ANK1: variants seen among roughly 807,000 people sequenced by gnomAD.
The protein encoded by ANK1 is ankyrin 1.
In ANK1, 51 loss-of-function variants were observed where a neutral mutation model predicts 210.4. That is an observed-to-expected ratio of 0.24 (90% confidence interval 0.19 to 0.31). ANK1 has a LOEUF of 0.31. ANK1 is among the 10% of genes least tolerant of loss of function. The pLI is 1.00. For missense variants in ANK1, 2,051 were observed against 2,504.4 expected, an observed-to-expected ratio of 0.82 and a Z score of 3.86; for synonymous variants, 967 against 1,025.9, an observed-to-expected ratio of 0.94 and a Z score of 1.10.
At chr8:41,734,109 A>T (rs1403331450) in intron 2 of ANK1, 40 bp from the exon 3 acceptor site, 8 of 1,564,712 alleles carry the variant, frequency 5.1e-6, no homozygotes, top group Non-Finnish European at 7.0e-6. Flanking sequence ...TGGTTAGTCA[A>T]ATGGTGCTTT....
At chr8:41,741,546 C>T (rs886930919) in intron 2 of ANK1, among the ~76,000 whole-genome samples, 1 of 150,534 alleles carries the variant, frequency 6.6e-6, no homozygotes, top group South Asian at 2.1e-4. Context: ...CACCACTGTC[C>T]TTGAGCCTGA....
chr8:41,806,844 T>G (rs1851037847), intron 1 of ANK1, among the ~76,000 whole-genome samples: 1 of 152,234 alleles, frequency 6.6e-6, no homozygotes, highest in African/African-American at 2.4e-5. Flanking sequence ...TGTCTTGTCC[T>G]CAGAAATCCC....
intron 23 of ANK1, among the ~76,000 whole-genome samples, chr8:41,698,529 A>G (rs1821753471): frequency 6.6e-6 from 1 of 152,192 alleles, no homozygotes; most frequent in Non-Finnish European, 1.5e-5. Context: ...CTGCTTGTTC[A>G]TGGGACACTT....
At chr8:41,687,689 T>C (rs1266647471) in intron 35 of ANK1, among the ~76,000 whole-genome samples, 1 of 152,222 alleles carries the variant, frequency 6.6e-6, no homozygotes, top group Admixed American at 6.5e-5. Context: ...GCCACTCACA[T>C]TGGGCAATGG....
chr8:41,684,628 C>G lies in ANK1; in HGVS notation c.4453G>C (p.Gly1485Arg). 1.9e-6 allele frequency: 3 copies of G among 1,613,896 alleles called. No homozygotes were observed. Among genetic ancestry groups the G allele is most frequent in the Non-Finnish European group, 1.7e-6 (2 of 1,180,002 alleles). The change falls in exon 37 of 43, where the codon GGT (glycine) becomes CGT (arginine). Residue 1485 changes from glycine to arginine, a missense_variant. Coordinates refer to ENST00000289734, the MANE Select transcript of ANK1 (RefSeq NM_000037.4). ...DRGEIVNMLE[G>R]SGRQSRNLKP... ...AAGTTGCGGCTCTGTCGGCCGGAAC[C>G]CTCCAGCATGTTCACGATCTCGCCA...
intron 1 of ANK1, among the ~76,000 whole-genome samples, chr8:41,791,709 C>T (rs1478411289): frequency 1.3e-5 from 2 of 152,172 alleles, no homozygotes; most frequent in Non-Finnish European, 2.9e-5. Flanking sequence ...GAGGCACTAA[C>T]TTTCTGAAGA....
In ANK1 at chr8:41,867,318, A is replaced by T. The variant is rs547586067; in HGVS notation, c.126+29037T>A. 8.7e-4 allele frequency among the ~76,000 whole-genome samples: 132 copies of T among 152,342 alleles called. 3 individuals are homozygous for T. The South Asian group carries it at 0.02, about 23-fold the overall frequency. On this transcript the variant is annotated intron_variant, in intron 1 of 42. Coordinates refer to the ANK1 transcript ENST00000265709. ...AGAGGCGGATGCAAAGTTCTGCAAA[A>T]GGAGGCAACATCAGCTCTCAAACAA... is the stretch of plus-strand genomic sequence containing the variant.
chr8:41,791,040 G>A (rs1328967708), intron 1 of ANK1, among the ~76,000 whole-genome samples: 3 of 152,090 alleles, frequency 2.0e-5, no homozygotes, highest in South Asian at 2.1e-4. Context: ...GGCACCAGGT[G>A]GCTGCACAAG....
chr8:41,882,233 A>T (rs1817712768), intron 1 of ANK1, among the ~76,000 whole-genome samples: 1 of 152,116 alleles, frequency 6.6e-6, no homozygotes, highest in South Asian at 2.1e-4. Context: ...CTGGTGAGCC[A>T]CTGAGCTCCA....
intron 1 of ANK1, among the ~76,000 whole-genome samples, chr8:41,871,907 C>T (rs916345206): frequency 1.3e-5 from 2 of 152,196 alleles, no homozygotes; most frequent in Admixed American, 6.5e-5. Flanking sequence ...GACCTGAAAG[C>T]CCCTCCCAGG....
At chr8:41,896,376 G>A in exon 1 of ANK1, 1 of 1,600,698 alleles carries the variant, frequency 6.2e-7, no homozygotes, top group Non-Finnish European at 8.5e-7. Context: ...GGTCACGGGA[G>A]CGGTTTCTCC....
rs112329940 is a variant in ANK1, at chr8:41,701,874, C to T, written c.2388+178G>A. 3.1e-4 allele frequency among the ~76,000 whole-genome samples: 47 copies of T among 152,346 alleles called. 1 individual carries two copies. The highest frequency in any genetic ancestry group is 1.1e-3 in the African/African-American group (45 of 41,592). On this transcript the variant is annotated intron_variant, in intron 21 of 42. Transcript: ENST00000289734. ...GCTGGTCCCGCCCCTAGTCCTCGGG[C>T]CGCTAGGTGGCAGCACAGCCCCGCT...
In ANK1 at chr8:41,690,459, A is replaced by G. The variant is rs778459418; in HGVS notation, c.3984+15T>C. ...TCTAGACCCAGAGGAGAACTCAGCC[A>G]GAGGGTGCCGGCACCTTTACAGGCA... On this transcript the variant is annotated intron_variant, in intron 32 of 42. Transcript: ENST00000289734. 1.2e-6 allele frequency: 2 copies of G among 1,614,224 alleles called. No homozygotes were observed. Among genetic ancestry groups the G allele is most frequent in the Non-Finnish European group, 1.7e-6 (2 of 1,180,016 alleles).
At chr8:41,658,897 T>TATAA (rs71239072) in intron 42 of ANK1, among the ~76,000 whole-genome samples, 44,025 of 148,182 alleles carry the variant, frequency 0.3, 7,193 homozygotes, top group Middle Eastern at 0.43. Flanking sequence ...CCTCTCAAAA[T>TATAA]ATAAATAAAT....
At chr8:41,679,707 C>G (rs1025285595) in intron 37 of ANK1, among the ~76,000 whole-genome samples, 1 of 150,780 alleles carries the variant, frequency 6.6e-6, no homozygotes, top group African/African-American at 2.4e-5. Flanking sequence ...GGACTACAGG[C>G]GCCCACCATC....
rs1203198041 is a variant in ANK1, at chr8:41,715,081, A to G, written c.1603-7T>C. On this transcript the variant is annotated splice_region_variant and splice_polypyrimidine_tract_variant and intron_variant, in intron 14 of 42. Transcript: ENST00000289734. ...GCAGAGGGGTAAATCCTTTCTGAGGAGAAACAGGCTGTCAGGACCTTGGGG... is the reference window on the plus strand; with the variant it reads ...GCAGAGGGGTAAATCCTTTCTGAGGGGAAACAGGCTGTCAGGACCTTGGGG... 1 of 1,613,892 alleles carries G rather than the reference A, an allele frequency of 6.2e-7. No individual in the cohort carries two copies. The highest frequency in any genetic ancestry group is 1.1e-5 in the South Asian group (1 of 91,068).
Position 41,653,234 on chromosome 8 carries a change from T to C in ANK1, c.*2556A>G, listed in dbSNP as rs1804655535. On this transcript the variant is annotated 3_prime_UTR_variant, in exon 43 of 43. Coordinates refer to ENST00000289734, the MANE Select transcript of ANK1 (RefSeq NM_000037.4). The stretch of plus-strand genomic sequence containing the variant: ...GAGAGATAGAGCCCTGTGCCATTAG[T>C]CCATTTCTTTATTAATTTTGACATT... 1 of 152,736 alleles carries C rather than the reference T, an allele frequency of 6.5e-6. No individual in the cohort carries two copies. Among genetic ancestry groups the C allele is most frequent in the Admixed American group, 6.5e-5 (1 of 15,268 alleles). 9.5% of individuals were successfully genotyped at this position (152,736 alleles called of 1,614,324 possible).
rs1466192129 is a variant in ANK1 at position 41,851,182 on chromosome 8, A to T, written c.126+45173T>A. Reference sequence around the variant, plus strand: ...ACAGAATGAAATCGACCAAATCATGATCAATATTAATGGCACAGCATGGAC... The same window carrying T: ...ACAGAATGAAATCGACCAAATCATGTTCAATATTAATGGCACAGCATGGAC... On this transcript the variant is annotated intron_variant, in intron 1 of 42. Coordinates refer to the ANK1 transcript ENST00000265709. Among the ~76,000 whole-genome samples, 3 of 152,204 alleles carry T rather than the reference A, an allele frequency of 2.0e-5. No homozygotes were observed. The East Asian group carries it at 5.8e-4, about 29-fold the overall frequency.
In ANK1 at chr8:41,693,779, C is replaced by G. The variant is rs1227043230; in HGVS notation, c.3532+119G>C. ...ATCTCTTGGAAGAGCACCTCACTCC[C>G]GGGGAAGTCAACAAAAACTAAGGGG... is the stretch of plus-strand genomic sequence containing the variant. On this transcript the variant is annotated intron_variant, in intron 29 of 42. Coordinates refer to ENST00000289734, the MANE Select transcript of ANK1 (RefSeq NM_000037.4). 7 of 1,170,852 alleles carry G rather than the reference C, an allele frequency of 6.0e-6. No individual in the cohort carries two copies. In the African/African-American group the frequency reaches 1.1e-4, roughly 18 times the overall value. 72.5% of individuals were successfully genotyped at this position (1,170,852 alleles called of 1,614,324 possible).
Sources: gnomAD v4.1 joint callset for allele counts (sites outside exome capture counted in the v4.1 genomes callset) on GRCh38, gnomAD v4.1.1 for gene constraint, MANE v1.5 for transcripts, NCBI Gene and HGNC (gene_info 2026-07-23, HGNC 2026-07-21) for gene names.